The following KRT23 variants were observed in gnomAD, a reference collection of about 807,000 sequenced individuals.
The protein encoded by KRT23 is keratin 23.
A neutral mutation model predicts 47.6 loss-of-function variants in KRT23; 38 were observed. The observed-to-expected ratio is 0.80, with a 90% confidence interval of 0.62 to 1.05. The LOEUF (loss-of-function observed/expected upper bound fraction) is 1.05. Among genes scored for constraint, KRT23 ranks in the 50% least tolerant of loss-of-function variants. The pLI, the probability that KRT23 is intolerant of heterozygous loss-of-function variation, is 0.00. For missense variants in KRT23, 503 were observed against 529.5 expected (o/e 0.95, Z 0.49); for synonymous variants, 191 against 199.0 (o/e 0.96, Z 0.34).
intron 6 of KRT23, 83 bp from the exon 7 acceptor site, chr17:40,925,657 G>A: frequency 9.6e-7 from 1 of 1,043,488 alleles, no homozygotes; most frequent in African/African-American, 1.6e-5. Context: ...CTTAGCAGAT[G>A]TCGACCAGTT....
chr17:40,929,733 T>G (rs1597879709), intron 4 of KRT23: 1 of 483,776 alleles, frequency 2.1e-6, no homozygotes. Flanking sequence ...TAATTATGAT[T>G]GCATTTTGGT....
In KRT23 at chr17:40,937,449, G is replaced by GT. The variant is rs1910173368; in HGVS notation, c.-455dup. On this transcript the variant is annotated 5_prime_UTR_variant, in exon 1 of 9. It removes the in-frame stop codon of an upstream open reading frame in the 5' UTR. Coordinates refer to ENST00000209718, the MANE Select transcript of KRT23 (RefSeq NM_015515.5). ...GCCCTGGGGGAGGAATGTAGCCGTT[G>GT]TTAGCAGCCCCGGACCCCGGCTGAG... is the stretch of plus-strand genomic sequence containing the variant. The GT allele has an allele frequency of 1.3e-5, 2 of 152,350 alleles. No individual in the cohort carries two copies. Among genetic ancestry groups the GT allele is most frequent in the African/African-American group, 4.8e-5 (2 of 41,452 alleles). The allele number at this position is 152,350 out of a possible 1,614,324, so 9.4% of individuals were successfully genotyped here.
chr17:40,929,791 G>C (rs1376339087), intron 4 of KRT23, 149 bp downstream of exon 4: 2 of 592,822 alleles, frequency 3.4e-6, no homozygotes, highest in Non-Finnish European at 5.7e-6. Context: ...AGAAACATTA[G>C]ATATTTGTAT....
At chr17:40,930,954 G>C (rs1446649368) in intron 3 of KRT23, among the ~76,000 whole-genome samples, 1 of 147,680 alleles carries the variant, frequency 6.8e-6, no homozygotes, top group Non-Finnish European at 1.5e-5. Context: ...TGCATTTGCC[G>C]TTGCTATGCC....
At chr17:40,923,186 C>T (rs1037571174) in intron 8 of KRT23, 103 bp from the exon 9 acceptor site, 7 of 822,666 alleles carry the variant, frequency 8.5e-6, no homozygotes, top group African/African-American at 5.1e-5. Flanking sequence ...GCTCTCAGTG[C>T]CTTCCAAATG....
Position 40,928,444 on chromosome 17 carries a change from A to C in KRT23, c.798+2T>G, listed in dbSNP as rs1909382346. 6.2e-7 allele frequency: 1 copy of C among 1,613,790 alleles called. No homozygotes were observed. Among genetic ancestry groups the C allele is most frequent in the Non-Finnish European group, 8.5e-7 (1 of 1,179,982 alleles). On this transcript the variant is annotated splice_donor_variant, in intron 5 of 8. Coordinates refer to ENST00000209718, the MANE Select transcript of KRT23 (RefSeq NM_015515.5). LOFTEE classifies it high-confidence loss of function. ...TGGGAAGTTTGTGCATCTTTCTTTTACCTGTTCTTTATACCAAGTGTCCAA... is the reference window on the plus strand; with the variant it reads ...TGGGAAGTTTGTGCATCTTTCTTTTCCCTGTTCTTTATACCAAGTGTCCAA...
At chr17:40,937,178 A>C (rs1475465837) in intron 1 of KRT23, 168 bp downstream of exon 1, 1 of 152,376 alleles carries the variant, frequency 6.6e-6, no homozygotes, top group Non-Finnish European at 1.5e-5. Flanking sequence ...AGCTCAGAAC[A>C]GGATCTCAGG....
intron 8 of KRT23, 99 bp from the exon 9 acceptor site, chr17:40,923,182 A>G: frequency 4.7e-6 from 4 of 852,232 alleles, no homozygotes; most frequent in Non-Finnish European, 5.8e-6. Context: ...GAAGGCTCTC[A>G]GTGCCTTCCA....
chr17:40,935,879 C>G (rs1326938407), intron 2 of KRT23, among the ~76,000 whole-genome samples: 1 of 152,202 alleles, frequency 6.6e-6, no homozygotes, highest in Non-Finnish European at 1.5e-5. Context: ...TGACATTAAA[C>G]AGCAGCTGGT....
chr17:40,923,679 T>C (rs548208521), intron 8 of KRT23, among the ~76,000 whole-genome samples: 10 of 152,326 alleles, frequency 6.6e-5, no homozygotes, highest in African/African-American at 2.4e-4. Flanking sequence ...AAGTATGGGT[T>C]CCCCATCCTA....
At chr17:40,929,027 CAAAAAAAAA>C (rs3067615) in intron 4 of KRT23, among the ~76,000 whole-genome samples, 4 of 64,290 alleles carry the variant, frequency 6.2e-5, no homozygotes, top group African/African-American at 2.5e-4. Context: ...ACCCTGTCTC[CAAAAAAAAA>C]AAAAAAAAAA....
At position 40,928,255 on chromosome 17, in the gene KRT23, G is replaced by A; in HGVS notation, c.904C>T (p.Gln302Ter). The A allele has an allele frequency of 5.6e-6, 9 of 1,614,152 alleles. No individual in the cohort carries two copies. The highest frequency in any genetic ancestry group is 7.6e-6 in the Non-Finnish European group (9 of 1,180,016). ...TGACTCACCGTGCTGTACTGTGTCT[G>A]CAGGTCAATCTCCAGGGCCTGGAAT... ...RTFQALEIDL[Q>*]TQYSTKSALE... The change falls in exon 6 of 9, where the codon CAG becomes TAG. Residue 302 changes from glutamine to a stop codon, truncating the protein, a stop_gained. Coordinates refer to ENST00000209718, the MANE Select transcript of KRT23 (RefSeq NM_015515.5). LOFTEE classifies it high-confidence loss of function.
At chr17:40,923,151 A>T (rs537238654) in intron 8 of KRT23, 68 bp from the exon 9 acceptor site, 4 of 1,229,702 alleles carry the variant, frequency 3.3e-6, no homozygotes, top group Non-Finnish European at 4.8e-6. Context: ...ACTCATTTTC[A>T]TTTCTCTGCT....
intron 7 of KRT23, 140 bp downstream of exon 7, chr17:40,925,214 A>G (rs1046010186): frequency 3.0e-6 from 2 of 668,058 alleles, no homozygotes; most frequent in South Asian, 1.8e-5. Context: ...ACAGCCAGCT[A>G]TAGGTATCTT....
rs753669927 is a variant in KRT23, at chr17:40,928,256, C to T, written c.903G>A (p.Leu301=). The T allele has an allele frequency of 4.3e-5, 70 of 1,614,024 alleles. No homozygotes were observed. The Middle Eastern group carries it at 6.1e-3, about 140-fold the overall frequency. ...GACTCACCGTGCTGTACTGTGTCTG[C>T]AGGTCAATCTCCAGGGCCTGGAATG... ...KRTFQALEID[L]QTQYSTKSAL... The change falls in exon 6 of 9, where the codon CTG becomes CTA. Residue 301 remains leucine (L), a synonymous_variant. Transcript: ENST00000209718.
chr17:40,935,865 TA>T (rs1268344641), intron 2 of KRT23, among the ~76,000 whole-genome samples: 1 of 152,244 alleles, frequency 6.6e-6, no homozygotes, highest in African/African-American at 2.4e-5. Flanking sequence ...CGTTGGGTCA[TA>T]AGTGACATTA....
At position 40,922,950 on chromosome 17, in the gene KRT23, G is replaced by A. The variant is rs751306985; in HGVS notation, c.*39C>T. The stretch of plus-strand genomic sequence containing the variant: ...GTCTGTGCAAGGACTTTCCTTGGGG[G>A]AAAATAGATTTTACAACAGGCGGAA... On this transcript the variant is annotated 3_prime_UTR_variant, in exon 9 of 9. Coordinates refer to ENST00000209718, the MANE Select transcript of KRT23 (RefSeq NM_015515.5). 6.1e-6 allele frequency: 9 copies of A among 1,468,262 alleles called. No homozygotes were observed. The East Asian group carries it at 6.8e-5, about 11-fold the overall frequency. 91.0% of individuals were successfully genotyped at this position (1,468,262 alleles called of 1,614,324 possible). A position where few individuals can be genotyped will look rare whatever the true frequency, so the allele number is the denominator to read the frequency against.
At chr17:40,934,529 C>T (rs1909916213) in intron 2 of KRT23, among the ~76,000 whole-genome samples, 1 of 152,158 alleles carries the variant, frequency 6.6e-6, no homozygotes, top group African/African-American at 2.4e-5. Context: ...AATACCTGCT[C>T]CACACAGTTG....
Position 40,936,568 on chromosome 17 carries a change from C to T in KRT23, c.36G>A (p.Ser12=). 1.3e-6 allele frequency: 2 copies of T among 1,519,420 alleles called. No homozygotes were observed. Among genetic ancestry groups the T allele is most frequent in the East Asian group, 2.3e-5 (1 of 44,062 alleles). 94.1% of individuals were successfully genotyped at this position (1,519,420 alleles called of 1,614,324 possible). A position where few individuals can be genotyped will look rare whatever the true frequency, so the allele number is the denominator to read the frequency against. The change falls in exon 2 of 9, where the codon TCG becomes TCA. Residue 12 remains serine (S), a synonymous_variant. Coordinates refer to ENST00000209718, the MANE Select transcript of KRT23 (RefSeq NM_015515.5). ...NSGHSFSQTP[S]ASFHGAGGGW... The stretch of plus-strand genomic sequence containing the variant: ...CACCTCCGGCGCCATGGAAGGAGGC[C>T]GAGGGGGTCTGGCTGAAGCTGTGTC...
Sources: allele counts gnomAD v4.1 joint callset (sites outside exome capture counted in the v4.1 genomes callset), GRCh38; gene constraint gnomAD v4.1.1; transcripts MANE v1.5; gene names NCBI Gene and HGNC (gene_info 2026-07-23, HGNC 2026-07-21).